FAM167A: variants seen among roughly 807,000 people sequenced by gnomAD.
FAM167A encodes the protein family with sequence similarity 167 member A, also known as protein FAM167A.
A neutral mutation model predicts 14.9 loss-of-function variants in FAM167A; 23 were observed. That is an observed-to-expected ratio of 1.55 (90% CI 1.11 to 2.19). FAM167A has a LOEUF of 2.19. Ranked by LOEUF, FAM167A falls within the 30% of genes most tolerant of loss-of-function variation. The pLI, the probability that FAM167A is intolerant of heterozygous loss-of-function variation, is 0.00. For missense variants in FAM167A, 401 were observed against 281.5 expected, an observed-to-expected ratio of 1.42 and a Z score of -3.04; for synonymous variants, 174 against 117.7, an observed-to-expected ratio of 1.48 and a Z score of -3.10.
At chr8:11,456,098 C>CTG (rs1201675627) in intron 1 of FAM167A, among the ~76,000 whole-genome samples, 5 of 93,476 alleles carry the variant, frequency 5.3e-5, no homozygotes, top group Non-Finnish European at 8.4e-5. Flanking sequence ...GGTTGCCTTG[C>CTG]TGTGTGTGTG....
chr8:11,431,843 G>C (rs1805613303), intron 2 of FAM167A, among the ~76,000 whole-genome samples: 1 of 147,392 alleles, frequency 6.8e-6, no homozygotes, highest in Non-Finnish European at 1.5e-5. Context: ...GGCCTCTCTG[G>C]GGGGTTACTG....
intron 2 of FAM167A, among the ~76,000 whole-genome samples, chr8:11,431,815 T>A (rs898823180): frequency 3.0e-5 from 4 of 133,526 alleles, no homozygotes; most frequent in African/African-American, 1.2e-4. Flanking sequence ...CCCTGAAGAG[T>A]AGTCTGGGAG....
chr8:11,435,880 T>G (rs1805970726), intron 2 of FAM167A, among the ~76,000 whole-genome samples: 1 of 152,240 alleles, frequency 6.6e-6, no homozygotes. Context: ...GTACAGGACA[T>G]CGAGTTCCGG....
At chr8:11,445,638 C>T (rs1239741552) in intron 1 of FAM167A, 1 of 982,476 alleles carries the variant, frequency 1.0e-6, no homozygotes, top group African/African-American at 1.7e-5. Context: ...GAGGCATAAG[C>T]CCCAGCTCCT....
At chr8:11,461,270 G>A (rs576683704) in intron 1 of FAM167A, among the ~76,000 whole-genome samples, 2 of 152,252 alleles carry the variant, frequency 1.3e-5, no homozygotes, top group Admixed American at 1.3e-4. Context: ...CTGAGAATCT[G>A]ACAGTTTGGA....
chr8:11,438,310 T>TGCAGCTCCCTGGCCA (rs1349073546), intron 2 of FAM167A: 2 of 406,412 alleles, frequency 4.9e-6, no homozygotes, highest in African/African-American at 4.1e-5. Context: ...TGGGGTCAGC[T>TGCAGCTCCCTGGCCA]GCAGCTCCCT....
At chr8:11,424,686 C>T (rs750355812) in intron 2 of FAM167A, 50 bp from the exon 3 acceptor site, 1 of 1,599,552 alleles carries the variant, frequency 6.3e-7, no homozygotes, top group South Asian at 1.1e-5. Flanking sequence ...GCTCGAGTCC[C>T]TGACAGGCAC....
At chr8:11,442,336 T>C (rs960942180) in intron 2 of FAM167A, among the ~76,000 whole-genome samples, 2 of 152,006 alleles carry the variant, frequency 1.3e-5, no homozygotes, top group Admixed American at 6.6e-5. Flanking sequence ...CAGACATTCA[T>C]TGGATTGGTC....
chr8:11,455,205 C>G lies in FAM167A; in HGVS notation c.-397-10397G>C, dbSNP rs568826971. ...GAGTGTGGGTGGTGGTTGCCTTGCTCTGTGTGTGTGTGTGACTGTGGTGGG... is the reference window on the plus strand; with the variant it reads ...GAGTGTGGGTGGTGGTTGCCTTGCTGTGTGTGTGTGTGTGACTGTGGTGGG... On this transcript the variant is annotated intron_variant, in intron 1 of 2. Transcript: ENST00000284486. Among the ~76,000 whole-genome samples, 258 of 114,530 alleles carry G rather than the reference C, an allele frequency of 2.3e-3. 1 individual carries two copies. Among genetic ancestry groups the G allele is most frequent in the Middle Eastern group, 6.3e-3 (1 of 158 alleles). The allele number at this position is 114,530 out of a possible 152,430, so 75.1% of individuals were successfully genotyped here.
upstream of FAM167A, among the ~76,000 whole-genome samples, chr8:11,469,692 C>A (rs1167181650): frequency 1.4e-5 from 2 of 147,740 alleles, no homozygotes; most frequent in African/African-American, 5.0e-5. Context: ...CATGGTGAGA[C>A]CCCACTTCTA....
intron 1 of FAM167A, among the ~76,000 whole-genome samples, chr8:11,473,646 G>C (rs565865365): frequency 6.6e-6 from 1 of 152,154 alleles, no homozygotes; most frequent in African/African-American, 2.4e-5. Context: ...TGCAGGGTGC[G>C]GTTCTATCTC....
At chr8:11,467,820 A>C (rs1463951167), upstream of FAM167A, among the ~76,000 whole-genome samples, 1 of 152,108 alleles carries the variant, frequency 6.6e-6, no homozygotes, top group Admixed American at 6.5e-5. Context: ...TTCCTTTCTG[A>C]CCTTCACTGG....
At chr8:11,454,832 C>G (rs1807165115) in intron 1 of FAM167A, among the ~76,000 whole-genome samples, 1 of 152,164 alleles carries the variant, frequency 6.6e-6, no homozygotes, top group Non-Finnish European at 1.5e-5. Context: ...TCTGGCTGGG[C>G]TCAGCACTGA....
At chr8:11,438,450 C>T (rs1190410565) in intron 2 of FAM167A, 3 of 457,182 alleles carry the variant, frequency 6.6e-6, no homozygotes, top group African/African-American at 2.0e-5. Flanking sequence ...TTCTATGCTA[C>T]AGAAGTACAA....
At chr8:11,444,955 C>A (rs566797286) in intron 1 of FAM167A, 147 bp from the exon 2 acceptor site, 25 of 707,366 alleles carry the variant, frequency 3.5e-5, no homozygotes, top group Middle Eastern at 1.4e-3. Context: ...GAAGTGAGAT[C>A]ATTTTAATGC....
intron 1 of FAM167A, among the ~76,000 whole-genome samples, chr8:11,473,976 C>T (rs1797790822): frequency 6.6e-6 from 1 of 152,048 alleles, no homozygotes; most frequent in South Asian, 2.1e-4. Context: ...TGGGTTCAAG[C>T]GATTTTCCTG....
At chr8:11,450,296 C>T (rs1366232517) in intron 1 of FAM167A, among the ~76,000 whole-genome samples, 4 of 152,226 alleles carry the variant, frequency 2.6e-5, no homozygotes, top group Non-Finnish European at 5.9e-5. Flanking sequence ...ACAATTATGT[C>T]ATCGCAACAT....
chr8:11,426,309 G>A (rs62491580), intron 2 of FAM167A, among the ~76,000 whole-genome samples: 346 of 152,258 alleles, frequency 2.3e-3, no homozygotes, highest in Non-Finnish European at 4.1e-3. Context: ...CTGTCTCTCT[G>A]AAATGTGTAA....
chr8:11,443,882 G>A (rs778442788), intron 2 of FAM167A, 149 bp downstream of exon 2: 27 of 1,046,934 alleles, frequency 2.6e-5, no homozygotes, highest in Middle Eastern at 2.2e-4. Context: ...TTCAACTCAC[G>A]GGAAGATTAC....
Sources: gnomAD v4.1 joint callset for allele counts (sites outside exome capture counted in the v4.1 genomes callset) on GRCh38, gnomAD v4.1.1 for gene constraint, MANE v1.5 for transcripts, NCBI Gene and HGNC (gene_info 2026-07-23, HGNC 2026-07-21) for gene names.